Variants in CNTNAP2 observed in about 807,000 individuals in gnomAD.
The protein encoded by CNTNAP2 is contactin-associated protein-like 2.
Under a neutral mutation model 155.2 loss-of-function variants are expected in CNTNAP2, and 98 were observed. That is an observed-to-expected ratio of 0.63 (90% confidence interval 0.54 to 0.75). The LOEUF (loss-of-function observed/expected upper bound fraction) is 0.75, where lower values mean the gene tolerates loss of function less well. Among genes scored for constraint, CNTNAP2 ranks in the 30% least tolerant of loss-of-function variants. The pLI is 0.00. For missense variants in CNTNAP2, 1,727 were observed against 1,688.1 expected (o/e 1.02, Z -0.40); for synonymous variants, 651 against 631.2 (o/e 1.03, Z -0.47).
chr7:148,152,795 G>C (rs894173489), intron 17 of CNTNAP2, among the ~76,000 whole-genome samples: 2 of 152,064 alleles, frequency 1.3e-5, no homozygotes, highest in Non-Finnish European at 2.9e-5. Context: ...CCGAGATGGG[G>C]GGATCACGAA....
At chr7:146,702,720 G>T (rs921073850) in intron 1 of CNTNAP2, among the ~76,000 whole-genome samples, 11 of 152,130 alleles carry the variant, frequency 7.2e-5, no homozygotes, top group African/African-American at 2.7e-4. Flanking sequence ...ACTCATTTAG[G>T]TGGAATGTCT....
rs569515448 is a variant in CNTNAP2, at chr7:148,388,718, T to C, written c.3715+4830T>C. On this transcript the variant is annotated intron_variant, in intron 22 of 23. Coordinates refer to ENST00000361727, the MANE Select transcript of CNTNAP2 (RefSeq NM_014141.6). ...TGTACAGATGGGTTTTTGGTGTGGT[T>C]GTCCTTTCTGTTTGTTAGTTTTCCT... Among the ~76,000 whole-genome samples, 879 of 152,308 alleles carry C rather than the reference T, an allele frequency of 5.8e-3. 10 individuals carry two copies. Among genetic ancestry groups the C allele is most frequent in the African/African-American group, 0.02 (824 of 41,572 alleles).
chr7:147,621,665 A>G (rs1194841773), intron 12 of CNTNAP2, among the ~76,000 whole-genome samples: 2 of 152,052 alleles, frequency 1.3e-5, no homozygotes, highest in African/African-American at 4.8e-5. Flanking sequence ...AAAGCAAGAA[A>G]CTAAATTATA....
chr7:146,438,857 A>G (rs542845490), intron 1 of CNTNAP2, among the ~76,000 whole-genome samples: 46 of 151,728 alleles, frequency 3.0e-4, no homozygotes, highest in South Asian at 2.1e-4. Context: ...TCATTTTGCT[A>G]TCTAGTTCTT....
intron 10 of CNTNAP2, among the ~76,000 whole-genome samples, chr7:147,461,303 C>T (rs1798020252): frequency 6.6e-6 from 1 of 152,078 alleles, no homozygotes; most frequent in African/African-American, 2.4e-5. Context: ...ACAAACAGTT[C>T]ATTGGTTGTA....
chr7:148,030,903 C>T lies in CNTNAP2; in HGVS notation c.2383+52914C>T, dbSNP rs183932177. On this transcript the variant is annotated intron_variant, in intron 15 of 23. Coordinates refer to ENST00000361727, the MANE Select transcript of CNTNAP2 (RefSeq NM_014141.6). ...AAGTGGATGGAATCAGGCGGAAGCA[C>T]GTAGCGTAAAAGAAAAATTGCACCA... Among the ~76,000 whole-genome samples the T allele has an allele frequency of 2.4e-4, 37 of 152,118 alleles. No individual in the cohort carries two copies. In the East Asian group the frequency reaches 2.7e-3, roughly 11 times the overall value.
chr7:147,049,697 C>T (rs1799436599), intron 4 of CNTNAP2, among the ~76,000 whole-genome samples: 1 of 152,208 alleles, frequency 6.6e-6, no homozygotes, highest in Middle Eastern at 3.4e-3. Flanking sequence ...AAAGGGTGTA[C>T]CTGGGATCTA....
chr7:146,235,944 A>C (rs953697093), intron 1 of CNTNAP2, among the ~76,000 whole-genome samples: 3 of 144,324 alleles, frequency 2.1e-5, no homozygotes, highest in African/African-American at 7.9e-5. Flanking sequence ...TCCATAGTAC[A>C]TATGGAAATG....
chr7:147,270,952 C>T (rs111945833), intron 8 of CNTNAP2, among the ~76,000 whole-genome samples: 1,868 of 152,166 alleles, frequency 0.012, 46 homozygotes, highest in African/African-American at 0.042. Context: ...TTCTCTTCCC[C>T]CTAGGAAGCC....
At chr7:146,708,508 A>T (rs1488814676) in intron 1 of CNTNAP2, among the ~76,000 whole-genome samples, 1 of 139,916 alleles carries the variant, frequency 7.1e-6, no homozygotes, top group Non-Finnish European at 1.5e-5. Context: ...TTAAAGTGCT[A>T]TTTCCAGAAC....
intron 22 of CNTNAP2, among the ~76,000 whole-genome samples, chr7:148,387,533 A>G (rs137907742): frequency 1.6e-3 from 251 of 152,218 alleles, no homozygotes; most frequent in African/African-American, 5.7e-3. Flanking sequence ...GGTGCCTTGG[A>G]AGTTTATTCC....
At chr7:147,449,701 A>G (rs1432432307) in intron 10 of CNTNAP2, among the ~76,000 whole-genome samples, 1 of 152,224 alleles carries the variant, frequency 6.6e-6, no homozygotes, top group Admixed American at 6.5e-5. Flanking sequence ...TAAGGTGGAA[A>G]AAAAAGAATC....
intron 2 of CNTNAP2, among the ~76,000 whole-genome samples, chr7:146,779,221 G>A (rs1802440694): frequency 6.6e-6 from 1 of 152,076 alleles, no homozygotes; most frequent in African/African-American, 2.4e-5. Flanking sequence ...CCCTGTCTGA[G>A]CTCATTAAAG....
chr7:147,238,402 G>GACACACAC (rs147589329), intron 8 of CNTNAP2, among the ~76,000 whole-genome samples: 17 of 149,270 alleles, frequency 1.1e-4, no homozygotes, highest in African/African-American at 2.9e-4. Context: ...TATGTGTGCA[G>GACACACAC]ACACACACAC....
intron 1 of CNTNAP2, among the ~76,000 whole-genome samples, chr7:146,560,049 G>A (rs1354989889): frequency 3.3e-5 from 5 of 152,088 alleles, no homozygotes; most frequent in Non-Finnish European, 4.4e-5. Context: ...TTGCAGAAAC[G>A]TAATCATTTT....
intron 14 of CNTNAP2, among the ~76,000 whole-genome samples, chr7:147,919,950 G>A (rs1307349314): frequency 6.6e-6 from 1 of 151,954 alleles, no homozygotes. Flanking sequence ...AAAAAATTAA[G>A]TTTCCTTCCT....
chr7:146,494,035 T>A (rs796566694), intron 1 of CNTNAP2, among the ~76,000 whole-genome samples: 7 of 152,094 alleles, frequency 4.6e-5, no homozygotes, highest in South Asian at 2.1e-4. Context: ...ATAAAAAATT[T>A]AAAAAATAAA....
intron 17 of CNTNAP2, among the ~76,000 whole-genome samples, chr7:148,161,698 C>A (rs1805545866): frequency 6.6e-6 from 1 of 152,142 alleles, no homozygotes. Context: ...CATCTTATTG[C>A]TATATTGAAG....
chr7:147,035,367 G>A (rs1434428637), intron 3 of CNTNAP2, among the ~76,000 whole-genome samples: 1 of 152,186 alleles, frequency 6.6e-6, no homozygotes, highest in East Asian at 1.9e-4. Flanking sequence ...CATCAAGGCC[G>A]CAAAATGGAA....
Sources: allele counts gnomAD v4.1 joint callset (sites outside exome capture counted in the v4.1 genomes callset), GRCh38; gene constraint gnomAD v4.1.1; transcripts MANE v1.5; gene names NCBI Gene and HGNC (gene_info 2026-07-23, HGNC 2026-07-21).